The following KDM4B variants were observed in gnomAD, a reference collection of about 807,000 sequenced individuals.
KDM4B encodes lysine-specific demethylase 4B.
Under a neutral mutation model 125.2 loss-of-function variants are expected in KDM4B, and 32 were observed. The ratio of observed to expected loss-of-function variants is 0.26; its 90% CI spans 0.19 to 0.34. The LOEUF (loss-of-function observed/expected upper bound fraction) is 0.34, where lower values mean the gene tolerates loss of function less well. Among genes scored for constraint, KDM4B ranks in the 10% least tolerant of loss-of-function variants. The probability of loss-of-function intolerance (pLI) is 1.00; values close to 1 mark genes in which losing one functional copy is unlikely to be tolerated. For synonymous variants in KDM4B, 721 were observed against 677.9 expected (o/e 1.06, Z -0.99); for missense variants, 1,190 against 1,577.7 (o/e 0.75, Z 4.16).
chr19:4,985,792 G>A (rs532498901), intron 1 of KDM4B, among the ~76,000 whole-genome samples: 38 of 152,362 alleles, frequency 2.5e-4, no homozygotes, highest in Admixed American at 7.8e-4. Context: ...TGGGCGGATG[G>A]TTTTGCTCTG....
In KDM4B at chr19:5,151,476, C is replaced by A; in HGVS notation, c.3256C>A (p.Leu1086Met). Reference sequence around the variant, plus strand: ...CTACGTGGCCTTCGTGGAGAGCCTCCTGCAGGTGCAGGGCCGGCCCGGAGC... The same window carrying A: ...CTACGTGGCCTTCGTGGAGAGCCTCATGCAGGTGCAGGGCCGGCCCGGAGC... ...QDYVAFVESL[L>M]QVQGRPGAPF The change falls in exon 23 of 23, where the codon CTG becomes ATG. Residue 1086 changes from leucine to methionine, a missense_variant. By Grantham distance (15) the Leu-to-Met change is conservative. Around this residue, in one of 7 missense-constraint regions of KDM4B, gnomAD observed 109 missense variants for 93.8 expected, o/e 1.16. Coordinates refer to ENST00000159111, the MANE Select transcript of KDM4B (RefSeq NM_015015.3). 1 of 1,505,216 alleles carries A rather than the reference C, an allele frequency of 6.6e-7. No individual in the cohort carries two copies. The allele number at this position is 1,505,216 out of a possible 1,614,324, so 93.2% of individuals were successfully genotyped here. A position where few individuals can be genotyped will look rare whatever the true frequency, so the allele number is the denominator to read the frequency against.
chr19:5,118,245 G>A lies in KDM4B; in HGVS notation c.1116-1408G>A, dbSNP rs1273323347. Among the ~76,000 whole-genome samples the A allele has an allele frequency of 3.3e-5, 5 of 152,208 alleles. No homozygotes were observed. The South Asian group carries it at 1.0e-3, about 32-fold the overall frequency. On this transcript the variant is annotated intron_variant, in intron 10 of 22. Transcript: ENST00000159111. Reference sequence around the variant, plus strand: ...GGACCCCCGTGGGATTGAGGTGTCCGAGTCTGAGCCCATGGGGACAGGGGA... The same window carrying A: ...GGACCCCCGTGGGATTGAGGTGTCCAAGTCTGAGCCCATGGGGACAGGGGA...
intron 1 of KDM4B, among the ~76,000 whole-genome samples, chr19:4,975,697 A>G (rs1169118294): frequency 6.6e-6 from 1 of 150,456 alleles, no homozygotes; most frequent in Non-Finnish European, 1.5e-5. Context: ...GATTCAAGCG[A>G]TTCTCCTACT....
intron 6 of KDM4B, among the ~76,000 whole-genome samples, chr19:5,051,481 A>G (rs1423432647): frequency 1.3e-5 from 2 of 152,262 alleles, no homozygotes; most frequent in African/African-American, 4.8e-5. Flanking sequence ...TCACTGCAGC[A>G]GGGAAGCCAG....
At chr19:5,122,362 G>T (rs2613798) in intron 11 of KDM4B, among the ~76,000 whole-genome samples, 1 of 152,046 alleles carries the variant, frequency 6.6e-6, no homozygotes, top group East Asian at 1.9e-4. Flanking sequence ...GTCCTTCACT[G>T]AGTCCCACCT....
intron 9 of KDM4B, among the ~76,000 whole-genome samples, chr19:5,102,699 C>T (rs567645612): frequency 9.2e-5 from 14 of 152,060 alleles, no homozygotes; most frequent in Admixed American, 2.0e-4. Context: ...CAATGGGCGG[C>T]GGGCGACGGG....
At chr19:5,113,334 C>G (rs2039188879) in intron 10 of KDM4B, 1 of 128,716 alleles carries the variant, frequency 7.8e-6, no homozygotes, top group African/African-American at 3.0e-5. Flanking sequence ...AAGGCTGATT[C>G]ACTTTTTTTT....
At chr19:5,121,350 G>A (rs115854810) in intron 11 of KDM4B, among the ~76,000 whole-genome samples, 355 of 152,340 alleles carry the variant, frequency 2.3e-3, no homozygotes, top group African/African-American at 8.0e-3. Context: ...GGCCTAGAGA[G>A]GCAAGACGAG....
chr19:5,057,918 G>T (rs2037461223), intron 6 of KDM4B, among the ~76,000 whole-genome samples: 2 of 152,240 alleles, frequency 1.3e-5, no homozygotes, highest in African/African-American at 4.8e-5. Context: ...CAGGGATGCG[G>T]GGACCGAGGC....
chr19:5,084,963 C>G (rs959817222), intron 9 of KDM4B, among the ~76,000 whole-genome samples: 9 of 151,912 alleles, frequency 5.9e-5, no homozygotes, highest in Non-Finnish European at 1.2e-4. Flanking sequence ...ACCTCGGCCT[C>G]GAAAAGTGCT....
intron 9 of KDM4B, among the ~76,000 whole-genome samples, chr19:5,102,703 C>A (rs374108064): frequency 2.0e-4 from 30 of 152,072 alleles, no homozygotes; most frequent in African/African-American, 7.2e-4. Context: ...GGGCGGCGGG[C>A]GACGGGTGAC....
In KDM4B at chr19:5,081,153, G is replaced by C. The variant is rs2038282022; in HGVS notation, c.781-1214G>C. ...AGCCTGTGATCCCTGCGTTTTACTG[G>C]ATGTTAAATAAAGATGAGGAGCCCA... On this transcript the variant is annotated intron_variant, in intron 8 of 22. Coordinates refer to ENST00000159111, the MANE Select transcript of KDM4B (RefSeq NM_015015.3). This position sits in a 1 kb window ranked among gnomAD's most constrained non-coding sequence, Gnocchi z 4.2. Among the ~76,000 whole-genome samples the C allele has an allele frequency of 6.6e-6, 1 of 152,170 alleles. No individual in the cohort carries two copies. Among genetic ancestry groups the C allele is most frequent in the Non-Finnish European group, 1.5e-5 (1 of 68,028 alleles).
At chr19:5,113,762 C>T (rs1441254767) in intron 10 of KDM4B, 4 of 388,474 alleles carry the variant, frequency 1.0e-5, no homozygotes, top group Non-Finnish European at 1.4e-5. Flanking sequence ...CCCAGTCCCC[C>T]GCGTGGGAAC....
chr19:5,031,512 C>T lies in KDM4B; in HGVS notation c.-25-1354C>T, dbSNP rs548785020. 4.6e-5 allele frequency among the ~76,000 whole-genome samples: 7 copies of T among 152,372 alleles called. No homozygotes were observed. The South Asian group carries it at 1.0e-3, about 23-fold the overall frequency. The stretch of plus-strand genomic sequence containing the variant: ...GGGTGGCGGGCAGGGCCTCAGCCCA[C>T]GTGGGCTTGGAGCTGTGCGGTTTTG... On this transcript the variant is annotated intron_variant, in intron 2 of 22. Coordinates refer to ENST00000159111, the MANE Select transcript of KDM4B (RefSeq NM_015015.3).
rs2034244354 is a variant in KDM4B, at chr19:4,971,141, C to A, written c.-109+1911C>A. Among the ~76,000 whole-genome samples, 1 of 152,194 alleles carries A rather than the reference C, an allele frequency of 6.6e-6. No individual in the cohort carries two copies. The highest frequency in any genetic ancestry group is 2.1e-4 in the South Asian group (1 of 4,828). ...ATATGTCTTAGTAACAATCCGTTTG[C>A]TCGCATTTTCTAACCCTTTCCTCTT... On this transcript the variant is annotated intron_variant, in intron 1 of 22. Transcript: ENST00000159111. This position sits in a 1 kb window ranked among gnomAD's most constrained non-coding sequence, Gnocchi z 4.1.
chr19:5,146,267 C>T (rs975742732), intron 21 of KDM4B, among the ~76,000 whole-genome samples: 3 of 152,066 alleles, frequency 2.0e-5, no homozygotes, highest in Non-Finnish European at 4.4e-5. Flanking sequence ...AGGCCGGCCC[C>T]GCCCAGTCAC....
At chr19:5,045,436 GAGTGC>G (rs1326842170) in intron 5 of KDM4B, among the ~76,000 whole-genome samples, 3 of 152,062 alleles carry the variant, frequency 2.0e-5, no homozygotes, top group African/African-American at 7.2e-5. Flanking sequence ...GCCCAGGTTG[GAGTGC>G]AGTGGCGTGA....
intron 9 of KDM4B, among the ~76,000 whole-genome samples, chr19:5,097,787 A>T (rs1368946364): frequency 6.6e-6 from 1 of 152,164 alleles, no homozygotes; most frequent in Admixed American, 6.5e-5. Context: ...GCTGTTCCAG[A>T]AAGTCTATGA....
intron 6 of KDM4B, among the ~76,000 whole-genome samples, chr19:5,065,318 C>G (rs998537388): frequency 6.6e-6 from 1 of 152,202 alleles, no homozygotes; most frequent in Admixed American, 6.5e-5. Context: ...CCTGGCAGGT[C>G]CCAGCTGCCC....
Sources: gnomAD v4.1 joint callset for allele counts (sites outside exome capture counted in the v4.1 genomes callset) on GRCh38, gnomAD v4.1.1 for gene constraint, gnomAD v4.1.1 regional missense constraint, Gnocchi (gnomAD v3.1) non-coding constraint, MANE v1.5 for transcripts, NCBI Gene and HGNC (gene_info 2026-07-23, HGNC 2026-07-21) for gene names.